CTNNA2: variants seen among roughly 807,000 people sequenced by gnomAD.
CTNNA2 encodes the protein catenin alpha-2.
Under a neutral mutation model 101.0 loss-of-function variants are expected in CTNNA2, and 42 were observed. The observed-to-expected ratio is 0.42, with a 90% CI of 0.32 to 0.54. The LOEUF (loss-of-function observed/expected upper bound fraction) is 0.54, where lower values mean the gene tolerates loss of function less well. Ranked by LOEUF, CTNNA2 falls within the 20% of genes least tolerant of loss-of-function variation. CTNNA2 has a pLI of 0.14. For missense variants in CTNNA2, 871 were observed against 1,223.1 expected (o/e 0.71, Z 4.29); for synonymous variants, 450 against 456.4 (o/e 0.99, Z 0.18).
intron 9 of CTNNA2, among the ~76,000 whole-genome samples, chr2:80,542,878 TC>T (rs11326898): frequency 0.4 from 60,316 of 150,568 alleles, 12,250 homozygotes; most frequent in South Asian, 0.55. Context: ...CCTGATTTTT[TC>T]CCCCCCCCAC....
At chr2:80,535,493 C>T (rs982434928) in intron 9 of CTNNA2, among the ~76,000 whole-genome samples, 5 of 152,220 alleles carry the variant, frequency 3.3e-5, no homozygotes, top group African/African-American at 1.2e-4. Flanking sequence ...AACTGAGACA[C>T]AATTGAGGCT....
At chr2:80,123,556 G>C (rs1054033653) in intron 7 of CTNNA2, among the ~76,000 whole-genome samples, 10 of 152,142 alleles carry the variant, frequency 6.6e-5, no homozygotes, top group African/African-American at 2.2e-4. Context: ...GCATCACTGG[G>C]CTAAAATATT....
intron 3 of CTNNA2, among the ~76,000 whole-genome samples, chr2:79,364,903 A>G (rs1677710345): frequency 6.6e-6 from 1 of 152,218 alleles, no homozygotes; most frequent in Non-Finnish European, 1.5e-5. Context: ...TACAAAACAT[A>G]CATCACTCTT....
At chr2:79,404,674 G>T (rs188050205) in intron 4 of CTNNA2, among the ~76,000 whole-genome samples, 1 of 152,032 alleles carries the variant, frequency 6.6e-6, no homozygotes, top group Admixed American at 6.6e-5. Context: ...GAGAGAAAAG[G>T]CTGAGCAGCT....
chr2:80,236,946 GC>G (rs1485026150), intron 7 of CTNNA2, among the ~76,000 whole-genome samples: 1 of 152,176 alleles, frequency 6.6e-6, no homozygotes, highest in Non-Finnish European at 1.5e-5. Context: ...AAGAGGGAAA[GC>G]AAAGAGAAGG....
rs988667228 is a variant in CTNNA2, at chr2:80,067,264, C to A, written c.1056+157467C>A. On this transcript the variant is annotated intron_variant, in intron 7 of 18. Coordinates refer to ENST00000402739, the MANE Select transcript of CTNNA2 (RefSeq NM_001282597.3). ...AAAATGAAAAGTATGTGATATAATG[C>A]ATATGTAAATTAGCTTAATTTAGCC... Among the ~76,000 whole-genome samples, 3 of 152,104 alleles carry A rather than the reference C, an allele frequency of 2.0e-5. No homozygotes were observed. The East Asian group carries it at 5.8e-4, about 29-fold the overall frequency.
At chr2:80,259,128 G>A (rs952023200) in intron 7 of CTNNA2, among the ~76,000 whole-genome samples, 19 of 151,976 alleles carry the variant, frequency 1.3e-4, no homozygotes, top group Non-Finnish European at 4.4e-5. Context: ...TCTCTATTTG[G>A]GCAAGAACAC....
At chr2:79,549,697 A>T (rs930351219) in intron 1 of CTNNA2, among the ~76,000 whole-genome samples, 24 of 152,278 alleles carry the variant, frequency 1.6e-4, no homozygotes, top group African/African-American at 5.8e-4. Flanking sequence ...TACTTGGTTA[A>T]GTTTGTGGAA....
At chr2:79,210,077 G>T (rs1166126485) in intron 2 of CTNNA2, among the ~76,000 whole-genome samples, 2 of 82,310 alleles carry the variant, frequency 2.4e-5, no homozygotes, top group Non-Finnish European at 4.4e-5. Context: ...AGATTACAGA[G>T]TCAAGCTATA....
chr2:79,524,636 A>T (rs1199045151), intron 1 of CTNNA2: 1 of 151,898 alleles, frequency 6.6e-6, no homozygotes, highest in Non-Finnish European at 1.5e-5. Flanking sequence ...ATTTTAAATA[A>T]TTTTTTGTCT....
chr2:79,805,323 G>GTCT (rs1258330146), intron 3 of CTNNA2, among the ~76,000 whole-genome samples: 2 of 152,138 alleles, frequency 1.3e-5, no homozygotes, highest in Non-Finnish European at 2.9e-5. Flanking sequence ...AACATGAAAT[G>GTCT]TCTTCGTTTC....
intron 2 of CTNNA2, among the ~76,000 whole-genome samples, chr2:79,296,108 G>A (rs1296915120): frequency 6.6e-6 from 1 of 152,078 alleles, no homozygotes; most frequent in Non-Finnish European, 1.5e-5. Context: ...AAAAATATTG[G>A]AGAGGTGAGG....
At chr2:79,511,410 A>G (rs1451422896), upstream of CTNNA2, among the ~76,000 whole-genome samples, 1 of 152,122 alleles carries the variant, frequency 6.6e-6, no homozygotes, top group East Asian at 1.9e-4. Context: ...TTTGGCACAA[A>G]TCATTTGGCG....
chr2:80,089,049 C>T (rs1053338493), intron 7 of CTNNA2, among the ~76,000 whole-genome samples: 4 of 151,974 alleles, frequency 2.6e-5, no homozygotes, highest in African/African-American at 7.2e-5. Context: ...ACCAGACAAA[C>T]ATTCATGCGT....
At chr2:80,170,878 C>A in intron 7 of CTNNA2, among the ~76,000 whole-genome samples, 1 of 152,120 alleles carries the variant, frequency 6.6e-6, no homozygotes, top group East Asian at 1.9e-4. Flanking sequence ...TGAAAGGGTA[C>A]AACTTTTCAG....
At chr2:80,394,047 G>A (rs559096317) in intron 8 of CTNNA2, among the ~76,000 whole-genome samples, 9 of 152,274 alleles carry the variant, frequency 5.9e-5, no homozygotes, top group African/African-American at 2.2e-4. Flanking sequence ...GCCCAGGAGG[G>A]CAGAATCCTG....
chr2:79,654,898 T>C (rs1681503155), intron 2 of CTNNA2, among the ~76,000 whole-genome samples: 1 of 152,220 alleles, frequency 6.6e-6, no homozygotes, highest in Admixed American at 6.5e-5. Flanking sequence ...GAATTTTTTA[T>C]GGTCTGCAGT....
At chr2:80,078,294 G>A (rs1198943464) in intron 7 of CTNNA2, among the ~76,000 whole-genome samples, 1 of 152,154 alleles carries the variant, frequency 6.6e-6, no homozygotes. Context: ...AGGAAGTGCA[G>A]GGGACCATGG....
Position 79,217,125 on chromosome 2 carries a change from A to G in CTNNA2, c.-406+19049A>G, listed in dbSNP as rs567214716. ...GAGATAGTGGTTGAGGGATAGTGAG[A>G]GAGGTTGGAGAAGAGAGTAAGAAAA... is the stretch of plus-strand genomic sequence containing the variant. On this transcript the variant is annotated intron_variant, in intron 2 of 21. Transcript: ENST00000466387. 4.6e-5 allele frequency among the ~76,000 whole-genome samples: 7 copies of G among 152,226 alleles called. No individual in the cohort carries two copies. The East Asian group carries it at 9.7e-4, about 21-fold the overall frequency.
Sources: allele counts gnomAD v4.1 joint callset (sites outside exome capture counted in the v4.1 genomes callset), GRCh38; gene constraint gnomAD v4.1.1; transcripts MANE v1.5; gene names NCBI Gene and HGNC (gene_info 2026-07-23, HGNC 2026-07-21).